The following NAV3 variants were observed in gnomAD, a reference collection of about 807,000 sequenced individuals.
NAV3 encodes the protein neuron navigator 3.
Under a neutral mutation model 244.7 loss-of-function variants are expected in NAV3, and 87 were observed. The ratio of observed to expected loss-of-function variants is 0.36; its 90% CI spans 0.30 to 0.42. The LOEUF (loss-of-function observed/expected upper bound fraction) is 0.42, where lower values mean the gene tolerates loss of function less well. NAV3 is among the 20% of genes least tolerant of loss of function. NAV3 has a pLI of 1.00. For synonymous variants in NAV3, 1,126 were observed against 1,042.2 expected (o/e 1.08, Z -1.55); for missense variants, 2,663 against 2,893.3 (o/e 0.92, Z 1.83).
chr12:77,727,618 T>A (rs781026417), intron 2 of NAV3, among the ~76,000 whole-genome samples: 1 of 151,928 alleles, frequency 6.6e-6, no homozygotes, highest in Non-Finnish European at 1.5e-5. Context: ...GAGCTGCACA[T>A]TGTTCAGTAG....
chr12:77,913,603 T>C lies in NAV3; in HGVS notation c.244-26716T>C, dbSNP rs187539664. On this transcript the variant is annotated intron_variant, in intron 1 of 39. Transcript: ENST00000397909. ...TAAATTCATTCAGGAAATTTTGACC[T>C]AGAGAAGTTATGGTTTCTTGGAAGA... Among the ~76,000 whole-genome samples the C allele has an allele frequency of 1.3e-3, 200 of 152,132 alleles. 2 individuals are homozygous for C. The highest frequency in any genetic ancestry group is 4.6e-3 in the African/African-American group (192 of 41,542).
intron 1 of NAV3, among the ~76,000 whole-genome samples, chr12:77,833,602 T>C (rs114302549): frequency 0.018 from 2,776 of 152,258 alleles, 74 homozygotes; most frequent in African/African-American, 0.063. Context: ...AGTGTGTTCT[T>C]TTAGTTTTGC....
At chr12:77,755,583 C>CTTTCCTT (rs770337739) in intron 2 of NAV3, among the ~76,000 whole-genome samples, 17 of 25,152 alleles carry the variant, frequency 6.8e-4, no homozygotes, top group African/African-American at 9.9e-4. Flanking sequence ...CTTTCCTTTC[C>CTTTCCTT]TCCCTCCCTC....
intron 2 of NAV3, among the ~76,000 whole-genome samples, chr12:77,707,387 C>T (rs943098807): frequency 5.9e-5 from 9 of 152,080 alleles, no homozygotes; most frequent in South Asian, 2.1e-4. Context: ...AGGACATGAA[C>T]TCATCCTTTT....
At chr12:77,682,911 T>G (rs1271728011) in intron 2 of NAV3, among the ~76,000 whole-genome samples, 1 of 152,166 alleles carries the variant, frequency 6.6e-6, no homozygotes, top group Non-Finnish European at 1.5e-5. Flanking sequence ...ATTTTGGATG[T>G]TAATCTGTTA....
intron 2 of NAV3, among the ~76,000 whole-genome samples, chr12:77,603,128 A>G (rs1459622948): frequency 1.3e-5 from 2 of 152,042 alleles, no homozygotes; most frequent in Non-Finnish European, 2.9e-5. Context: ...GATGATGTCC[A>G]TGTTGACTTT....
At position 77,861,126 on chromosome 12, in the gene NAV3, A is replaced by C. The variant is rs542999268; in HGVS notation, c.243+29422A>C. ...ACCATGATTGTCTCCTATGTAGTAG[A>C]GAAAATTAGCACGTGGTTGCAAAAT... On this transcript the variant is annotated intron_variant, in intron 1 of 39. Coordinates refer to ENST00000397909, the MANE Select transcript of NAV3 (RefSeq NM_001024383.2). 9.9e-5 allele frequency among the ~76,000 whole-genome samples: 15 copies of C among 152,030 alleles called. No homozygotes were observed. In the South Asian group the frequency reaches 2.7e-3, roughly 27 times the overall value.
intron 9 of NAV3, among the ~76,000 whole-genome samples, chr12:78,032,723 T>C (rs181285484): frequency 1.1e-3 from 162 of 152,302 alleles, no homozygotes; most frequent in African/African-American, 3.8e-3. Context: ...GCTGAATTAA[T>C]GGTACAGATT....
At chr12:77,764,207 T>C (rs1026523735) in intron 2 of NAV3, among the ~76,000 whole-genome samples, 3 of 152,236 alleles carry the variant, frequency 2.0e-5, no homozygotes, top group African/African-American at 7.2e-5. Flanking sequence ...GCAGTGTCTT[T>C]TCTAATTATG....
intron 1 of NAV3, among the ~76,000 whole-genome samples, chr12:77,910,921 G>A (rs1886517711): frequency 6.6e-6 from 1 of 152,130 alleles, no homozygotes; most frequent in Admixed American, 6.6e-5. Flanking sequence ...AGATACTGAA[G>A]TAGTATGGAC....
At chr12:77,706,846 G>C (rs1356814838) in intron 2 of NAV3, among the ~76,000 whole-genome samples, 4 of 126,806 alleles carry the variant, frequency 3.2e-5, no homozygotes, top group Non-Finnish European at 6.4e-5. Context: ...ACTCCAGCCT[G>C]GGCAACAGAG....
intron 1 of NAV3, among the ~76,000 whole-genome samples, chr12:77,874,805 A>G (rs1315278782): frequency 3.9e-5 from 6 of 152,196 alleles, no homozygotes; most frequent in South Asian, 2.1e-4. Flanking sequence ...CTATGTTATT[A>G]TAATGAATCA....
At chr12:77,969,379 A>G (rs1892803431) in intron 5 of NAV3, among the ~76,000 whole-genome samples, 1 of 152,146 alleles carries the variant, frequency 6.6e-6, no homozygotes, top group African/African-American at 2.4e-5. Context: ...ATATATAACA[A>G]GAGATTTATT....
chr12:77,812,754 A>G (rs1438514574), intron 2 of NAV3, among the ~76,000 whole-genome samples: 1 of 152,182 alleles, frequency 6.6e-6, no homozygotes, highest in Non-Finnish European at 1.5e-5. Flanking sequence ...ATGTGATAAC[A>G]GTCACACTTG....
At chr12:78,069,788 G>A (rs2137595574) in intron 12 of NAV3, among the ~76,000 whole-genome samples, 1 of 152,042 alleles carries the variant, frequency 6.6e-6, no homozygotes, top group East Asian at 1.9e-4. Context: ...CACATATCGT[G>A]TGTGTATGTT....
At chr12:77,576,094 G>A (rs1374839744) in intron 2 of NAV3, among the ~76,000 whole-genome samples, 3 of 152,006 alleles carry the variant, frequency 2.0e-5, no homozygotes, top group African/African-American at 4.8e-5. Flanking sequence ...AAAAGCTCAC[G>A]ATAAATTCCA....
chr12:77,588,308 A>C (rs1056552219), intron 2 of NAV3, among the ~76,000 whole-genome samples: 1 of 151,864 alleles, frequency 6.6e-6, no homozygotes, highest in African/African-American at 2.4e-5. Flanking sequence ...TGGTAGAGAA[A>C]GGGTCCCACT....
In NAV3 at chr12:77,817,438, A is replaced by G. The variant is rs560454768; in HGVS notation, c.73-122881A>G. 2.0e-4 allele frequency among the ~76,000 whole-genome samples: 31 copies of G among 152,296 alleles called. No homozygotes were observed. In the South Asian group the frequency reaches 6.0e-3, roughly 30 times the overall value. On this transcript the variant is annotated intron_variant, in intron 2 of 8. Transcript: ENST00000550042. ...GAAATAGCTGCTGAGTTTACTTAATATAAGAAGTTTTTTTTTAATTTAAAG... is the reference window on the plus strand; with the variant it reads ...GAAATAGCTGCTGAGTTTACTTAATGTAAGAAGTTTTTTTTTAATTTAAAG...
chr12:77,667,186 T>C (rs1321281626), intron 2 of NAV3, among the ~76,000 whole-genome samples: 1 of 152,194 alleles, frequency 6.6e-6, no homozygotes, highest in Non-Finnish European at 1.5e-5. Context: ...CAGAGTAGCA[T>C]GTGAAGACTC....
Sources: allele counts gnomAD v4.1 joint callset (sites outside exome capture counted in the v4.1 genomes callset), GRCh38; gene constraint gnomAD v4.1.1; transcripts MANE v1.5; gene names NCBI Gene and HGNC (gene_info 2026-07-23, HGNC 2026-07-21).